The following KAT6A variants were observed in gnomAD, a reference collection of about 807,000 sequenced individuals.
KAT6A encodes histone acetyltransferase KAT6A.
Under a neutral mutation model 198.4 loss-of-function variants are expected in KAT6A, and 9 were observed. The ratio of observed to expected loss-of-function variants is 0.05; its 90% CI spans 0.03 to 0.08. The LOEUF (loss-of-function observed/expected upper bound fraction) is 0.08. KAT6A is among the 10% of genes least tolerant of loss of function. KAT6A has a pLI of 1.00. For missense variants in KAT6A, 2,077 were observed against 2,509.9 expected (o/e 0.83, Z 3.69); for synonymous variants, 890 against 883.0 (o/e 1.01, Z -0.14).
At position 41,978,687 on chromosome 8, in the gene KAT6A, T is replaced by C. The variant is rs748857759; in HGVS notation, c.998A>G (p.Asn333Ser). 6.2e-7 allele frequency: 1 copy of C among 1,613,960 alleles called. No individual in the cohort carries two copies. The highest frequency in any genetic ancestry group is 8.5e-7 in the Non-Finnish European group (1 of 1,179,966). ...KAAQIKRRYT[N>S]PIGRPKNRLK... Reference sequence around the variant, plus strand: ...CCTGTTTTTTGGACGTCCTATTGGATTAGTATAGCGCCGTTTTATCTGTGC... The same window carrying C: ...CCTGTTTTTTGGACGTCCTATTGGACTAGTATAGCGCCGTTTTATCTGTGC... Residue 333 changes from asparagine (N) to serine (S), a missense_variant, in exon 6 of 17, where the codon AAT (asparagine) becomes AGT (serine). Coordinates refer to ENST00000265713, the MANE Select transcript of KAT6A (RefSeq NM_006766.5).
intron 3 of KAT6A, among the ~76,000 whole-genome samples, chr8:41,982,447 G>C (rs1335810183): frequency 6.6e-6 from 1 of 152,006 alleles, no homozygotes; most frequent in African/African-American, 2.4e-5. Context: ...TTTTACTTTT[G>C]TAATTTAAAA....
At chr8:42,040,036 C>T (rs1203229414) in intron 2 of KAT6A, among the ~76,000 whole-genome samples, 2 of 151,850 alleles carry the variant, frequency 1.3e-5, no homozygotes, top group Non-Finnish European at 2.9e-5. Flanking sequence ...CGTGAGCCAC[C>T]GCGCCCTGCC....
At chr8:42,042,864 A>C (rs1421680694) in intron 2 of KAT6A, among the ~76,000 whole-genome samples, 1 of 152,344 alleles carries the variant, frequency 6.6e-6, no homozygotes, top group East Asian at 1.9e-4. Context: ...CAAGTAAATT[A>C]TGTCAGTGTG....
Position 42,011,507 on chromosome 8 carries a change from G to A in KAT6A, c.601-23944C>T, listed in dbSNP as rs565758172. The stretch of plus-strand genomic sequence containing the variant: ...AATCCCAGCACTTTGGGAGGCTGAG[G>A]TGGGTGGATCACCTGAGGTCAGGAG... On this transcript the variant is annotated intron_variant, in intron 2 of 16. Coordinates refer to ENST00000265713, the MANE Select transcript of KAT6A (RefSeq NM_006766.5). Among the ~76,000 whole-genome samples, 5 of 152,300 alleles carry A rather than the reference G, an allele frequency of 3.3e-5. No individual in the cohort carries two copies. In the East Asian group the frequency reaches 9.6e-4, roughly 29 times the overall value.
chr8:41,997,901 C>T (rs1406737472), intron 2 of KAT6A, among the ~76,000 whole-genome samples: 4 of 152,102 alleles, frequency 2.6e-5, no homozygotes, highest in Non-Finnish European at 2.9e-5. Flanking sequence ...CTCTACTATA[C>T]AAATACCTGA....
chr8:42,049,578 G>C (rs1326042439), intron 1 of KAT6A: 1 of 153,596 alleles, frequency 6.5e-6, no homozygotes, highest in Non-Finnish European at 1.5e-5. Flanking sequence ...CCACTAACCA[G>C]AGTGGGTGAT....
Position 41,981,917 on chromosome 8 carries a change from C to A in KAT6A, c.747G>T (p.Thr249=). 6.2e-7 allele frequency: 1 copy of A among 1,613,808 alleles called. No individual in the cohort carries two copies. The highest frequency in any genetic ancestry group is 8.5e-7 in the Non-Finnish European group (1 of 1,179,844). Residue 249 remains threonine (T), a synonymous_variant, in exon 4 of 17, where the codon ACG becomes ACT. Transcript: ENST00000265713. ...PSCLKFSPEL[T]VRVKALRWQC... is the part of the protein sequence containing the mutation. ...GCCACCGTAAGGCCTTCACTCGAACCGTTAGTTCAGGGGAAAACTTTAAAC... is the reference window on the plus strand; with the variant it reads ...GCCACCGTAAGGCCTTCACTCGAACAGTTAGTTCAGGGGAAAACTTTAAAC...
intron 8 of KAT6A, among the ~76,000 whole-genome samples, chr8:41,959,760 C>T (rs1304541574): frequency 6.6e-6 from 1 of 152,022 alleles, no homozygotes; most frequent in African/African-American, 2.4e-5. Context: ...AGATTGAGAC[C>T]ATCCTGGCCA....
At chr8:42,005,866 A>G (rs529324032) in intron 2 of KAT6A, among the ~76,000 whole-genome samples, 1 of 152,068 alleles carries the variant, frequency 6.6e-6, no homozygotes. Context: ...ACTGCCTTTG[A>G]AAAAAAGCCC....
intron 1 of KAT6A, among the ~76,000 whole-genome samples, chr8:42,050,204 T>C (rs1802535469): frequency 6.6e-6 from 1 of 152,170 alleles, no homozygotes; most frequent in African/African-American, 2.4e-5. Flanking sequence ...AATAAAGATA[T>C]AAATTCAAGA....
chr8:42,005,978 G>A (rs1483105752), intron 2 of KAT6A, among the ~76,000 whole-genome samples: 1 of 152,148 alleles, frequency 6.6e-6, no homozygotes, highest in African/African-American at 2.4e-5. Flanking sequence ...GAAATAACCT[G>A]TATTCTGCAA....
chr8:41,939,242 C>G (rs528077008), intron 15 of KAT6A, among the ~76,000 whole-genome samples: 1 of 152,286 alleles, frequency 6.6e-6, no homozygotes, highest in South Asian at 2.1e-4. Flanking sequence ...TGGCTATGCA[C>G]AGTGACTTCC....
intron 9 of KAT6A, among the ~76,000 whole-genome samples, chr8:41,953,476 A>C (rs970269172): frequency 6.6e-5 from 10 of 152,170 alleles, no homozygotes; most frequent in African/African-American, 2.4e-4. Flanking sequence ...TGGCATATTT[A>C]TTTTCTTTTC....
At chr8:41,976,371 T>C (rs572661852) in intron 7 of KAT6A, among the ~76,000 whole-genome samples, 1 of 152,338 alleles carries the variant, frequency 6.6e-6, no homozygotes, top group East Asian at 1.9e-4. Flanking sequence ...GTTAATCAAA[T>C]TCTTCTCCTC....
At chr8:41,988,009 T>C (rs1273730364) in intron 2 of KAT6A, among the ~76,000 whole-genome samples, 1 of 152,204 alleles carries the variant, frequency 6.6e-6, no homozygotes, top group Non-Finnish European at 1.5e-5. Context: ...CAGTAAGTGT[T>C]TTCTAGCAGT....
At position 42,011,119 on chromosome 8, in the gene KAT6A, G is replaced by A. The variant is rs1825999934; in HGVS notation, c.601-23556C>T. Among the ~76,000 whole-genome samples, 3 of 152,012 alleles carry A rather than the reference G, an allele frequency of 2.0e-5. No individual in the cohort carries two copies. In the South Asian group the frequency reaches 6.2e-4, roughly 31 times the overall value. On this transcript the variant is annotated intron_variant, in intron 2 of 16. Coordinates refer to ENST00000265713, the MANE Select transcript of KAT6A (RefSeq NM_006766.5). ...TAACAAATCGCCCTTTTTACTCAAG[G>A]GCTTCAGTCACTTGCAACCCCAGAC...
At chr8:41,944,698 T>C (rs543792929) in intron 12 of KAT6A, among the ~76,000 whole-genome samples, 1 of 152,344 alleles carries the variant, frequency 6.6e-6, no homozygotes, top group African/African-American at 2.4e-5. Flanking sequence ...AATACTGTTA[T>C]TGCACGGACT....
chr8:41,986,682 C>T (rs566723092), intron 3 of KAT6A, among the ~76,000 whole-genome samples: 1 of 152,266 alleles, frequency 6.6e-6, no homozygotes, highest in East Asian at 1.9e-4. Flanking sequence ...ATCTCAGTCA[C>T]CTAAAACCAT....
intron 2 of KAT6A, among the ~76,000 whole-genome samples, chr8:42,038,685 T>G (rs1328596978): frequency 6.6e-6 from 1 of 152,208 alleles, no homozygotes; most frequent in African/African-American, 2.4e-5. Context: ...ATCACTGTGA[T>G]CCAAGATTGC....
Sources: allele counts gnomAD v4.1 joint callset (sites outside exome capture counted in the v4.1 genomes callset), GRCh38; gene constraint gnomAD v4.1.1; transcripts MANE v1.5; gene names NCBI Gene and HGNC (gene_info 2026-07-23, HGNC 2026-07-21).